The following MAP4K4 variants were observed in gnomAD, a reference collection of about 807,000 sequenced individuals.
MAP4K4 encodes mitogen-activated protein kinase kinase kinase kinase 4.
MAP4K4 carries 38 observed loss-of-function variants against 189.6 expected under a neutral mutation model. The observed-to-expected ratio is 0.20, with a 90% CI of 0.15 to 0.26. MAP4K4 has a LOEUF of 0.26. MAP4K4 is among the 10% of genes least tolerant of loss of function. The pLI is 1.00. For synonymous variants in MAP4K4, 610 were observed against 624.3 expected (o/e 0.98, Z 0.34); for missense variants, 1,054 against 1,726.9 (o/e 0.61, Z 6.91).
At chr2:101,780,093 T>C (rs1449676760) in intron 2 of MAP4K4, among the ~76,000 whole-genome samples, 1 of 152,342 alleles carries the variant, frequency 6.6e-6, no homozygotes, top group East Asian at 1.9e-4. Context: ...ATATGAATAG[T>C]GTACATATAC....
intron 2 of MAP4K4, among the ~76,000 whole-genome samples, chr2:101,710,714 C>T (rs924315508): frequency 2.0e-5 from 3 of 152,122 alleles, no homozygotes; most frequent in Admixed American, 6.5e-5. Context: ...AAAACAGATA[C>T]GGTGGTATGC....
At chr2:101,754,156 T>C (rs999782236) in intron 2 of MAP4K4, among the ~76,000 whole-genome samples, 7 of 152,188 alleles carry the variant, frequency 4.6e-5, no homozygotes, top group African/African-American at 1.7e-4. Flanking sequence ...ATATTATATG[T>C]GAATGTGAAA....
chr2:101,827,026 T>C (rs1283157913), intron 5 of MAP4K4, among the ~76,000 whole-genome samples: 1 of 152,132 alleles, frequency 6.6e-6, no homozygotes, highest in Non-Finnish European at 1.5e-5. Context: ...TCAAATGTAT[T>C]TCAGCCTTCA....
chr2:101,711,704 A>G (rs1490596171), intron 2 of MAP4K4, among the ~76,000 whole-genome samples: 3 of 152,202 alleles, frequency 2.0e-5, no homozygotes, highest in Non-Finnish European at 4.4e-5. Context: ...TCCCATTAGT[A>G]TGCTGGCTTT....
intron 24 of MAP4K4, among the ~76,000 whole-genome samples, chr2:101,873,437 G>A (rs780716601): frequency 2.6e-5 from 4 of 151,778 alleles, no homozygotes; most frequent in Admixed American, 6.5e-5. Context: ...GTAGAGATAC[G>A]GCTCCTGCAG....
chr2:101,722,882 A>T (rs1449129165), intron 2 of MAP4K4, among the ~76,000 whole-genome samples: 1 of 152,250 alleles, frequency 6.6e-6, no homozygotes, highest in East Asian at 1.9e-4. Context: ...GTAGCAGTAT[A>T]CAGCATCTGT....
At chr2:101,780,691 A>G (rs1029353621) in intron 2 of MAP4K4, among the ~76,000 whole-genome samples, 1 of 152,226 alleles carries the variant, frequency 6.6e-6, no homozygotes, top group Non-Finnish European at 1.5e-5. Flanking sequence ...ACTAAGAGGC[A>G]CAGTCCATTG....
At chr2:101,892,692 G>GA (rs2098587097) in exon 33 of MAP4K4, 1 of 335,494 alleles carries the variant, frequency 3.0e-6, no homozygotes, top group Non-Finnish European at 5.9e-6. Flanking sequence ...GTGTAATATC[G>GA]AAGTCCTGGC....
rs2067301700 is a variant in MAP4K4, at chr2:101,749,291, G to A, written c.124-41429G>A. Reference sequence around the variant, plus strand: ...AAGGCTACAGTAACCAAAACAGCATGGTACTGGTACCAAAACAGAGATATA... The same window carrying A: ...AAGGCTACAGTAACCAAAACAGCATAGTACTGGTACCAAAACAGAGATATA... On this transcript the variant is annotated intron_variant, in intron 2 of 32. Coordinates refer to ENST00000324219, the Ensembl canonical transcript of MAP4K4. 2.6e-5 allele frequency among the ~76,000 whole-genome samples: 4 copies of A among 150,958 alleles called. No individual in the cohort carries two copies. The South Asian group carries it at 8.3e-4, about 31-fold the overall frequency.
exon 22 of MAP4K4, chr2:101,869,626 T>C (rs767742784): frequency 1.2e-6 from 2 of 1,609,394 alleles, no homozygotes; most frequent in Non-Finnish European, 1.7e-6. Flanking sequence ...CTTTAGGATC[T>C]GACCGCACTG....
intron 2 of MAP4K4, among the ~76,000 whole-genome samples, chr2:101,749,283 A>G (rs1438071388): frequency 1.5e-4 from 23 of 151,216 alleles, no homozygotes; most frequent in Admixed American, 1.5e-3. Flanking sequence ...CAGTAACCAA[A>G]ACAGCATGGT....
intron 3 of MAP4K4, among the ~76,000 whole-genome samples, chr2:101,809,819 G>A (rs2149125221): frequency 6.6e-6 from 1 of 152,346 alleles, no homozygotes; most frequent in African/African-American, 2.4e-5. Flanking sequence ...ACACAGCTGT[G>A]CAATTTTTGT....
chr2:101,729,793 C>A (rs2057580387), intron 2 of MAP4K4, among the ~76,000 whole-genome samples: 1 of 152,172 alleles, frequency 6.6e-6, no homozygotes, highest in Non-Finnish European at 1.5e-5. Context: ...AGCCAAAGGT[C>A]CTTCTCTGGT....
intron 23 of MAP4K4, among the ~76,000 whole-genome samples, chr2:101,870,928 T>TTG (rs1021082060): frequency 3.4e-4 from 52 of 152,228 alleles, no homozygotes; most frequent in African/African-American, 1.2e-3. Context: ...GTTTTCTCAC[T>TTG]TGTTGAATAA....
intron 27 of MAP4K4, among the ~76,000 whole-genome samples, chr2:101,877,463 C>T (rs968157188): frequency 2.7e-5 from 4 of 150,370 alleles, no homozygotes; most frequent in African/African-American, 1.0e-4. Context: ...TGTGTCCACT[C>T]CTTTCCACCA....
chr2:101,869,603 T>C lies in MAP4K4; in HGVS notation c.2464-19T>C. On this transcript the variant is annotated intron_variant, in intron 21 of 32. Transcript: ENST00000324219. ...TGCTCCTGCTTGCCTTACTCTCTCT[T>C]TTCTGTCCTTTGCTTTAGGATCTGA... is the stretch of plus-strand genomic sequence containing the variant. 4 of 1,600,688 alleles carry C rather than the reference T, an allele frequency of 2.5e-6. No individual in the cohort carries two copies. The highest frequency in any genetic ancestry group is 3.4e-6 in the Non-Finnish European group (4 of 1,172,052).
chr2:101,859,539 G>A, intron 14 of MAP4K4, 104 bp from the exon 15 acceptor site: 1 of 889,432 alleles, frequency 1.1e-6, no homozygotes, highest in Non-Finnish European at 1.7e-6. Flanking sequence ...ACAAAACACA[G>A]AGGGAAAATA....
At position 101,823,875 on chromosome 2, in the gene MAP4K4, A is replaced by G. The variant is rs550114548; in HGVS notation, c.181-53A>G. Reference sequence around the variant, plus strand: ...TATTGTATGTAGTGTGGGGGAAGTAAAGTCATTCACATCGTTCAGTAGCCA... The same window carrying G: ...TATTGTATGTAGTGTGGGGGAAGTAGAGTCATTCACATCGTTCAGTAGCCA... On this transcript the variant is annotated intron_variant, in intron 3 of 32. Coordinates refer to ENST00000324219, the Ensembl canonical transcript of MAP4K4. 69 of 1,500,912 alleles carry G rather than the reference A, an allele frequency of 4.6e-5. No individual in the cohort carries two copies. The Middle Eastern group carries it at 1.9e-3, about 41-fold the overall frequency. 93.0% of individuals were successfully genotyped at this position (1,500,912 alleles called of 1,614,324 possible).
At chr2:101,788,245 G>C (rs2092062569) in intron 2 of MAP4K4, among the ~76,000 whole-genome samples, 3 of 152,176 alleles carry the variant, frequency 2.0e-5, no homozygotes, top group African/African-American at 7.2e-5. Context: ...AAAGGAGCAA[G>C]GAAATCAGCA....
Sources: gnomAD v4.1 joint callset for allele counts (sites outside exome capture counted in the v4.1 genomes callset) on GRCh38, gnomAD v4.1.1 for gene constraint, MANE v1.5 for transcripts, NCBI Gene and HGNC (gene_info 2026-07-23, HGNC 2026-07-21) for gene names.